Variants in IRAK1BP1 observed in about 807,000 individuals in gnomAD.
IRAK1BP1 encodes interleukin 1 receptor associated kinase 1 binding protein 1.
A neutral mutation model predicts 28.0 loss-of-function variants in IRAK1BP1; 24 were observed. The observed-to-expected ratio is 0.86, with a 90% CI of 0.62 to 1.20. The LOEUF (loss-of-function observed/expected upper bound fraction) is 1.20, where lower values mean the gene tolerates loss of function less well. IRAK1BP1 is among the 50% of genes most tolerant of loss of function. The pLI is 0.00. For missense variants in IRAK1BP1, 336 were observed against 316.7 expected (o/e 1.06, Z -0.46); for synonymous variants, 131 against 116.3 (o/e 1.13, Z -0.81).
intron 1 of IRAK1BP1, among the ~76,000 whole-genome samples, chr6:78,870,041 G>A (rs778102977): frequency 1.3e-5 from 2 of 149,526 alleles, no homozygotes; most frequent in Non-Finnish European, 3.0e-5. Flanking sequence ...CCCAGGAGGC[G>A]GAGGTTGCAG....
chr6:78,972,725 A>T, the IRAK1BP1 span, among the ~76,000 whole-genome samples: 1 of 152,252 alleles, frequency 6.6e-6, no homozygotes. Flanking sequence ...GAACTATGTG[A>T]AGAATGCAGA....
intron 4 of IRAK1BP1, among the ~76,000 whole-genome samples, chr6:78,941,580 A>G (rs543692612): frequency 6.6e-6 from 1 of 152,350 alleles, no homozygotes; most frequent in South Asian, 2.1e-4. Context: ...TGACTTATCT[A>G]AGTTAACATT....
chr6:78,956,986 A>C, the IRAK1BP1 span: 1 of 152,082 alleles, frequency 6.6e-6, no homozygotes, highest in South Asian at 2.1e-4. Flanking sequence ...AAAGTATAAT[A>C]ATCAAAATTT....
rs1363079896 is a variant in IRAK1BP1 at position 78,945,422 on chromosome 6, C to T, written c.*82C>T. ...TTCTTTTGCAGAATTATTCCTAGTGCCATGACTAAAACTGGATTGACCAGG... is the reference window on the plus strand; with the variant it reads ...TTCTTTTGCAGAATTATTCCTAGTGTCATGACTAAAACTGGATTGACCAGG... On this transcript the variant is annotated 3_prime_UTR_variant and NMD_transcript_variant, in exon 5 of 5. Coordinates refer to the IRAK1BP1 transcript ENST00000606868. The T allele has an allele frequency of 1.2e-6, 2 of 1,611,480 alleles. No homozygotes were observed. The highest frequency in any genetic ancestry group is 3.3e-5 in the Admixed American group (2 of 60,002).
chr6:78,930,109 G>A (rs891210849), intron 4 of IRAK1BP1, among the ~76,000 whole-genome samples: 1 of 152,008 alleles, frequency 6.6e-6, no homozygotes, highest in African/African-American at 2.4e-5. Flanking sequence ...CTAATTTTTT[G>A]TAGAGACAGG....
intron 4 of IRAK1BP1, among the ~76,000 whole-genome samples, chr6:78,926,933 T>A (rs1772905827): frequency 6.6e-6 from 1 of 152,188 alleles, no homozygotes; most frequent in South Asian, 2.1e-4. Flanking sequence ...CACATTTTGT[T>A]ATCCATTCAT....
chr6:78,924,237 C>A (rs1472529215), intron 4 of IRAK1BP1, among the ~76,000 whole-genome samples: 1 of 152,118 alleles, frequency 6.6e-6, no homozygotes, highest in East Asian at 1.9e-4. Flanking sequence ...AAGGGGATAT[C>A]ACCACTGATG....
rs1771972026 is a variant in IRAK1BP1 at position 78,898,340 on chromosome 6, C to T, written c.*6C>T. ...AGAGAAAAAAGCACCTTTGAAATTC[C>T]AAACAAATTATATTGTACTTGTATC... On this transcript the variant is annotated 3_prime_UTR_variant, in exon 4 of 4. Transcript: ENST00000369940. The T allele has an allele frequency of 1.4e-6, 2 of 1,458,686 alleles. No homozygotes were observed. The highest frequency in any genetic ancestry group is 2.9e-5 in the African/African-American group (2 of 68,430). 90.4% of individuals were successfully genotyped at this position (1,458,686 alleles called of 1,614,324 possible). A position where few individuals can be genotyped will look rare whatever the true frequency, so the allele number is the denominator to read the frequency against.
At chr6:78,936,687 TCA>T (rs1773282393) in intron 4 of IRAK1BP1, 1 of 151,856 alleles carries the variant, frequency 6.6e-6, no homozygotes, top group Non-Finnish European at 1.5e-5. Flanking sequence ...TATTTTCTAC[TCA>T]CTGTTCTACT....
chr6:78,953,489 G>A, the IRAK1BP1 span, among the ~76,000 whole-genome samples: 73 of 152,268 alleles, frequency 4.8e-4, no homozygotes, highest in African/African-American at 1.7e-3. Context: ...GAACCAAAGC[G>A]AAATCCATAA....
intron 4 of IRAK1BP1, among the ~76,000 whole-genome samples, chr6:78,942,506 AAAC>A (rs535202166): frequency 3.2e-4 from 49 of 152,252 alleles, no homozygotes; most frequent in Non-Finnish European, 5.7e-4. Context: ...AAACAAAACA[AAAC>A]AACATGGTTA....
In IRAK1BP1 at chr6:78,898,077, C is replaced by A; in HGVS notation, c.526C>A (p.Leu176Ile). Residue 176 changes from leucine (L) to isoleucine (I), a missense_variant, in exon 4 of 4, where the codon CTT (leucine) becomes ATT (isoleucine). Transcript: ENST00000369940. ...TTAATTCCTAAGACGGCAAGCCTGT[C>A]TTGTTGCTGTTGAGAATGCGTGGCG... ...SVENLRRQAC[L>I]VAVENAWRKA... 1 of 1,610,538 alleles carries A rather than the reference C, an allele frequency of 6.2e-7. No homozygotes were observed. The highest frequency in any genetic ancestry group is 8.5e-7 in the Non-Finnish European group (1 of 1,178,238).
At chr6:78,873,456 G>A (rs1212057278) in intron 1 of IRAK1BP1, among the ~76,000 whole-genome samples, 1 of 151,174 alleles carries the variant, frequency 6.6e-6, no homozygotes, top group Non-Finnish European at 1.5e-5. Context: ...GGTGTATTGG[G>A]TTCTTCTCAA....
chr6:78,892,738 CAAATT>C (rs1771708386), intron 2 of IRAK1BP1, among the ~76,000 whole-genome samples: 1 of 151,986 alleles, frequency 6.6e-6, no homozygotes, highest in Non-Finnish European at 1.5e-5. Context: ...AAACAAAAAA[CAAATT>C]GAATTTCCAA....
chr6:78,972,347 G>A, the IRAK1BP1 span, among the ~76,000 whole-genome samples: 2 of 152,274 alleles, frequency 1.3e-5, no homozygotes, highest in Middle Eastern at 3.4e-3. Flanking sequence ...CTAACAAACA[G>A]AAAGGACATC....
intron 4 of IRAK1BP1, among the ~76,000 whole-genome samples, chr6:78,921,569 G>C (rs1439905622): frequency 6.6e-6 from 1 of 152,216 alleles, no homozygotes; most frequent in Non-Finnish European, 1.5e-5. Flanking sequence ...CACCTTTGAA[G>C]AGAGTAGTGG....
intron 4 of IRAK1BP1, among the ~76,000 whole-genome samples, chr6:78,910,191 G>C (rs1293102723): frequency 1.3e-5 from 2 of 152,158 alleles, no homozygotes; most frequent in Admixed American, 6.5e-5. Flanking sequence ...ATGCCTGCTC[G>C]GGGAGGGGAA....
intron 1 of IRAK1BP1, among the ~76,000 whole-genome samples, chr6:78,875,600 A>G (rs535533008): frequency 2.0e-4 from 31 of 152,328 alleles, no homozygotes; most frequent in Non-Finnish European, 4.3e-4. Context: ...TAAGGCTTGA[A>G]GCCATTATCC....
At chr6:78,922,644 A>G (rs1772769799) in intron 4 of IRAK1BP1, among the ~76,000 whole-genome samples, 1 of 152,148 alleles carries the variant, frequency 6.6e-6, no homozygotes, top group Admixed American at 6.5e-5. Flanking sequence ...AGTTGAAATG[A>G]AGGAAAAAAT....
Sources: allele counts gnomAD v4.1 joint callset (sites outside exome capture counted in the v4.1 genomes callset), GRCh38; gene constraint gnomAD v4.1.1; transcripts MANE v1.5; gene names NCBI Gene and HGNC (gene_info 2026-07-23, HGNC 2026-07-21).